Variants in ACVR1C observed in about 807,000 individuals in gnomAD.
ACVR1C encodes the protein activin A receptor type 1C, also known as activin receptor type-1C.
In ACVR1C, 23 loss-of-function variants were observed where a neutral mutation model predicts 57.9. The observed-to-expected ratio is 0.40, with a 90% CI of 0.29 to 0.56. The LOEUF (loss-of-function observed/expected upper bound fraction) is 0.56. ACVR1C is among the 20% of genes least tolerant of loss of function. The probability of loss-of-function intolerance (pLI) is 0.50; values close to 1 mark genes in which losing one functional copy is unlikely to be tolerated. For missense variants in ACVR1C, 480 were observed against 607.9 expected, an observed-to-expected ratio of 0.79 and a Z score of 2.21; for synonymous variants, 214 against 215.3, an observed-to-expected ratio of 0.99 and a Z score of 0.05.
chr2:157,565,043 G>A (rs2105233759), intron 2 of ACVR1C, among the ~76,000 whole-genome samples: 1 of 152,198 alleles, frequency 6.6e-6, no homozygotes, highest in East Asian at 1.9e-4. Flanking sequence ...GTTGATAGGT[G>A]CAGCAAAGCA....
intron 1 of ACVR1C, among the ~76,000 whole-genome samples, chr2:157,616,532 C>T (rs1682656471): frequency 6.6e-6 from 1 of 152,124 alleles, no homozygotes; most frequent in Non-Finnish European, 1.5e-5. Flanking sequence ...AAATATGCAT[C>T]ATATCTAAAT....
At chr2:157,535,103 C>G (rs944720901) in intron 8 of ACVR1C, among the ~76,000 whole-genome samples, 3 of 145,636 alleles carry the variant, frequency 2.1e-5, no homozygotes, top group African/African-American at 5.1e-5. Flanking sequence ...CATGATCACA[C>G]CACTGCACTC....
Position 157,559,644 on chromosome 2 carries a change from G to C in ACVR1C, c.305-3312C>G, listed in dbSNP as rs189501461. On this transcript the variant is annotated intron_variant, in intron 2 of 8. Coordinates refer to ENST00000243349, the MANE Select transcript of ACVR1C (RefSeq NM_145259.3). ...CATGGAATTAGCAGCTCCATGGGGG[G>C]ACACGTTAAATCCCAAAAGTGAGGT... 5.3e-4 allele frequency among the ~76,000 whole-genome samples: 80 copies of C among 152,252 alleles called. 1 individual carries two copies. Among genetic ancestry groups the C allele is most frequent in the Non-Finnish European group, 2.4e-4 (16 of 68,014 alleles).
intron 2 of ACVR1C, among the ~76,000 whole-genome samples, chr2:157,562,342 G>A (rs928331839): frequency 9.6e-5 from 14 of 145,918 alleles, no homozygotes; most frequent in South Asian, 6.3e-4. Context: ...TATATTATAT[G>A]GAAAACTTTA....
intron 1 of ACVR1C, among the ~76,000 whole-genome samples, chr2:157,615,702 C>T (rs1454653477): frequency 6.6e-6 from 1 of 152,072 alleles, no homozygotes. Context: ...TTTAAAAAAA[C>T]TTCATGTAGT....
chr2:157,579,787 C>G (rs1688743193), intron 2 of ACVR1C, among the ~76,000 whole-genome samples: 1 of 152,070 alleles, frequency 6.6e-6, no homozygotes. Context: ...TCATATGAGT[C>G]ACTGAATTTC....
At chr2:157,565,016 TA>T (rs534321764) in intron 2 of ACVR1C, among the ~76,000 whole-genome samples, 1 of 151,946 alleles carries the variant, frequency 6.6e-6, no homozygotes, top group Admixed American at 6.6e-5. Flanking sequence ...ATGCGGGGCT[TA>T]AAACCTAGAT....
chr2:157,555,276 G>A (rs550168391), intron 3 of ACVR1C, among the ~76,000 whole-genome samples: 23 of 151,078 alleles, frequency 1.5e-4, no homozygotes, highest in Admixed American at 9.2e-4. Flanking sequence ...CCGCCACCGC[G>A]CCCGGCTAAT....
At chr2:157,574,289 T>C (rs1688592927) in intron 2 of ACVR1C, among the ~76,000 whole-genome samples, 1 of 152,230 alleles carries the variant, frequency 6.6e-6, no homozygotes, top group Non-Finnish European at 1.5e-5. Flanking sequence ...TTCTGGTTCA[T>C]AGAAGGCACC....
At chr2:157,575,286 C>T (rs1688618042) in intron 2 of ACVR1C, among the ~76,000 whole-genome samples, 2 of 152,164 alleles carry the variant, frequency 1.3e-5, no homozygotes, top group African/African-American at 4.8e-5. Context: ...GCATGTGCCA[C>T]CATGCCCAGC....
chr2:157,587,158 T>A (rs1688943128), intron 2 of ACVR1C, 29 bp downstream of exon 2: 2 of 1,548,146 alleles, frequency 1.3e-6, no homozygotes, highest in South Asian at 1.1e-5. Context: ...TAAAATTAAA[T>A]TCGGAATGAA....
intron 1 of ACVR1C, among the ~76,000 whole-genome samples, chr2:157,624,492 C>CA (rs988284617): frequency 6.6e-5 from 10 of 152,184 alleles, no homozygotes; most frequent in African/African-American, 2.4e-4. Context: ...TAACCACTTC[C>CA]AAAATACAGC....
intron 2 of ACVR1C, among the ~76,000 whole-genome samples, chr2:157,566,536 T>C (rs971412691): frequency 2.6e-5 from 4 of 152,216 alleles, no homozygotes; most frequent in East Asian, 1.9e-4. Context: ...GGGCGAGGCA[T>C]TGCCTCACCT....
intron 1 of ACVR1C, among the ~76,000 whole-genome samples, chr2:157,616,299 T>TA (rs1206188738): frequency 6.6e-6 from 1 of 152,184 alleles, no homozygotes; most frequent in African/African-American, 2.4e-5. Flanking sequence ...TTTCTAGTGA[T>TA]ACATCTTCAA....
At chr2:157,557,624 A>G (rs1461426062) in intron 2 of ACVR1C, among the ~76,000 whole-genome samples, 1 of 152,222 alleles carries the variant, frequency 6.6e-6, no homozygotes, top group Non-Finnish European at 1.5e-5. Context: ...TGCCTGACAC[A>G]TAGTAGATGA....
At chr2:157,539,549 G>A (rs1339434516) in intron 7 of ACVR1C, among the ~76,000 whole-genome samples, 1 of 152,118 alleles carries the variant, frequency 6.6e-6, no homozygotes, top group Non-Finnish European at 1.5e-5. Context: ...AAATCTAAAA[G>A]CAAATCTAGA....
rs186541068 is a variant in ACVR1C at position 157,556,081 on chromosome 2, A to G, written c.544+12T>C. 137 of 1,607,624 alleles carry G rather than the reference A, an allele frequency of 8.5e-5. No homozygotes were observed. The highest frequency in any genetic ancestry group is 2.7e-4 in the Admixed American group (16 of 58,966). On this transcript the variant is annotated intron_variant, in intron 3 of 8. Coordinates refer to ENST00000243349, the MANE Select transcript of ACVR1C (RefSeq NM_145259.3). ...TTTTCTTATTTTAAAAAAATGGACAATGGTAACATACCAGAGCCAGATCCA... is the reference window on the plus strand; with the variant it reads ...TTTTCTTATTTTAAAAAAATGGACAGTGGTAACATACCAGAGCCAGATCCA...
chr2:157,600,945 G>C (rs1682265292), intron 1 of ACVR1C, among the ~76,000 whole-genome samples: 2 of 152,090 alleles, frequency 1.3e-5, no homozygotes, highest in Admixed American at 1.3e-4. Context: ...TGATGAATGG[G>C]GAGCACATTT....
At chr2:157,577,884 T>C (rs1394828354) in intron 2 of ACVR1C, among the ~76,000 whole-genome samples, 1 of 152,130 alleles carries the variant, frequency 6.6e-6, no homozygotes, top group Non-Finnish European at 1.5e-5. Flanking sequence ...TGTTTTTGTT[T>C]TTGTTTTTGT....
Sources: gnomAD v4.1 joint callset for allele counts (sites outside exome capture counted in the v4.1 genomes callset) on GRCh38, gnomAD v4.1.1 for gene constraint, MANE v1.5 for transcripts, NCBI Gene and HGNC (gene_info 2026-07-23, HGNC 2026-07-21) for gene names.